The following SLCO3A1 variants were observed in gnomAD, a reference collection of about 807,000 sequenced individuals.
SLCO3A1 encodes the protein solute carrier organic anion transporter family member 3A1.
SLCO3A1 carries 27 observed loss-of-function variants against 63.1 expected under a neutral mutation model. The ratio of observed to expected loss-of-function variants is 0.43; its 90% CI spans 0.32 to 0.59. The LOEUF is 0.59. SLCO3A1 is among the 20% of genes least tolerant of loss of function. SLCO3A1 has a pLI of 0.09. For synonymous variants in SLCO3A1, 473 were observed against 409.9 expected, an observed-to-expected ratio of 1.15 and a Z score of -1.86; for missense variants, 773 against 945.8, an observed-to-expected ratio of 0.82 and a Z score of 2.40.
At chr15:91,857,578 T>C (rs1251889520) in intron 1 of SLCO3A1, among the ~76,000 whole-genome samples, 1 of 152,176 alleles carries the variant, frequency 6.6e-6, no homozygotes, top group Non-Finnish European at 1.5e-5. Context: ...GGATGTAACA[T>C]GTGCTTAAGT....
intron 7 of SLCO3A1, among the ~76,000 whole-genome samples, chr15:92,142,289 T>G (rs941590365): frequency 6.6e-6 from 1 of 152,220 alleles, no homozygotes. Context: ...ATCAAAACAC[T>G]TTAAAGTGCA....
At chr15:92,068,055 A>C (rs1023365509) in intron 2 of SLCO3A1, among the ~76,000 whole-genome samples, 2 of 152,046 alleles carry the variant, frequency 1.3e-5, no homozygotes, top group African/African-American at 4.8e-5. Context: ...TGATACCATT[A>C]CCCTGGGTAT....
intron 7 of SLCO3A1, among the ~76,000 whole-genome samples, chr15:92,134,980 C>T (rs2048038878): frequency 6.6e-6 from 1 of 152,086 alleles, no homozygotes. Context: ...ATTAGCAGGG[C>T]AGGTGGCTCA....
chr15:92,134,044 T>G (rs2048027335), intron 7 of SLCO3A1, among the ~76,000 whole-genome samples: 1 of 152,180 alleles, frequency 6.6e-6, no homozygotes, highest in Admixed American at 6.5e-5. Context: ...GGAAGATAGC[T>G]ATCATGGGAC....
At chr15:91,857,073 A>G (rs868262863) in intron 1 of SLCO3A1, among the ~76,000 whole-genome samples, 1 of 145,078 alleles carries the variant, frequency 6.9e-6, no homozygotes, top group East Asian at 2.2e-4. Flanking sequence ...TGTGTGTGAG[A>G]GAGAGAGAGA....
chr15:92,156,249 C>T (rs552497484), intron 9 of SLCO3A1, among the ~76,000 whole-genome samples: 2 of 152,270 alleles, frequency 1.3e-5, no homozygotes, highest in South Asian at 2.1e-4. Context: ...GAGTGAGATA[C>T]GGCGGTGGGA....
intron 2 of SLCO3A1, among the ~76,000 whole-genome samples, chr15:91,992,207 C>G (rs182720064): frequency 6.6e-6 from 1 of 152,310 alleles, no homozygotes; most frequent in Admixed American, 6.5e-5. Flanking sequence ...GCATTTAAAA[C>G]AAAATGAGCA....
intron 1 of SLCO3A1, among the ~76,000 whole-genome samples, chr15:91,873,339 T>A (rs926329111): frequency 2.0e-5 from 3 of 152,114 alleles, no homozygotes; most frequent in African/African-American, 7.2e-5. Context: ...TGTTGTGGGA[T>A]TATGTCATTT....
At chr15:92,153,369 C>T (rs1308343559) in intron 9 of SLCO3A1, 2 of 152,144 alleles carry the variant, frequency 1.3e-5, no homozygotes, top group African/African-American at 2.4e-5. Context: ...GATTTTATTG[C>T]CCCTTATGAG....
chr15:92,010,994 G>A (rs559373985), intron 2 of SLCO3A1, among the ~76,000 whole-genome samples: 80 of 152,280 alleles, frequency 5.3e-4, no homozygotes, highest in Middle Eastern at 3.4e-3. Flanking sequence ...CAGCCAGTGC[G>A]ATCCTGCTAA....
chr15:92,130,744 A>T (rs1215734529), intron 7 of SLCO3A1, among the ~76,000 whole-genome samples: 1 of 152,078 alleles, frequency 6.6e-6, no homozygotes, highest in Non-Finnish European at 1.5e-5. Context: ...AACATCCAAA[A>T]ATGAGTGAAA....
intron 2 of SLCO3A1, among the ~76,000 whole-genome samples, chr15:92,088,833 A>G (rs1480155820): frequency 2.0e-5 from 3 of 152,014 alleles, no homozygotes; most frequent in Non-Finnish European, 2.9e-5. Flanking sequence ...GATTGTGCCT[A>G]TGGGGACTCT....
intron 2 of SLCO3A1, among the ~76,000 whole-genome samples, chr15:92,052,822 A>AT (rs35961945): frequency 6.0e-5 from 9 of 151,100 alleles, no homozygotes; most frequent in South Asian, 2.1e-4. Context: ...ATACATTTTA[A>AT]TTTTTTTTTT....
In SLCO3A1 at chr15:91,912,857, C is replaced by T. The variant is rs532220877; in HGVS notation, c.181-3136C>T. 6.6e-6 allele frequency among the ~76,000 whole-genome samples: 1 copy of T among 152,320 alleles called. No individual in the cohort carries two copies. Among genetic ancestry groups the T allele is most frequent in the Non-Finnish European group, 1.5e-5 (1 of 68,014 alleles). On this transcript the variant is annotated intron_variant, in intron 1 of 9. Coordinates refer to ENST00000318445, the MANE Select transcript of SLCO3A1 (RefSeq NM_013272.4). The surrounding 1 kb of genome is among the most constrained non-coding windows in gnomAD (Gnocchi z 5.0). ...CCAGTCCCCTTTGGACCTCTCAAGA[C>T]TCACACAAAGGCCTGGGCGAGGCTC...
At chr15:91,925,492 T>TAA (rs1416344772) in intron 2 of SLCO3A1, among the ~76,000 whole-genome samples, 9 of 152,028 alleles carry the variant, frequency 5.9e-5, no homozygotes, top group Middle Eastern at 3.4e-3. Context: ...TTTTTTTTTT[T>TAA]TAACTAGGAA....
In SLCO3A1 at chr15:91,854,255, G is replaced by T. The variant is rs1896852922; in HGVS notation, c.180+167G>T. On this transcript the variant is annotated intron_variant, in intron 1 of 9. Transcript: ENST00000318445. This position sits in a 1 kb window ranked among gnomAD's most constrained non-coding sequence, Gnocchi z 6.4. ...AGAGGCGGCCGCCGGGGGAGCTGCC[G>T]GCCGGGGCTGCCAGCGAGCGGGTAG... is the stretch of plus-strand genomic sequence containing the variant. The T allele has an allele frequency of 1.8e-6, 2 of 1,134,382 alleles. No homozygotes were observed. Among genetic ancestry groups the T allele is most frequent in the Non-Finnish European group, 2.2e-6 (2 of 909,946 alleles). 70.3% of individuals were successfully genotyped at this position (1,134,382 alleles called of 1,614,324 possible).
chr15:92,164,373 T>G lies in SLCO3A1; in HGVS notation c.*1238T>G. 1.0e-6 allele frequency: 1 copy of G among 985,400 alleles called. No individual in the cohort carries two copies. The highest frequency in any genetic ancestry group is 1.2e-6 in the Non-Finnish European group (1 of 829,908). The allele number at this position is 985,400 out of a possible 1,614,324, so 61.0% of individuals were successfully genotyped here. On this transcript the variant is annotated 3_prime_UTR_variant, in exon 10 of 10. Coordinates refer to ENST00000318445, the MANE Select transcript of SLCO3A1 (RefSeq NM_013272.4). ...CAGCCTGCCTTTAAAAGAATCACATTTGAGACAACAGGGGATAATGTGATG... is the reference window on the plus strand; with the variant it reads ...CAGCCTGCCTTTAAAAGAATCACATGTGAGACAACAGGGGATAATGTGATG...
At chr15:92,140,563 A>C (rs1281658741) in intron 7 of SLCO3A1, among the ~76,000 whole-genome samples, 3 of 152,128 alleles carry the variant, frequency 2.0e-5, no homozygotes, top group Non-Finnish European at 4.4e-5. Flanking sequence ...GATCAGTCTA[A>C]TGTTGACAGT....
chr15:91,920,990 C>T (rs542823670), intron 2 of SLCO3A1, among the ~76,000 whole-genome samples: 1 of 152,262 alleles, frequency 6.6e-6, no homozygotes, highest in South Asian at 2.1e-4. Flanking sequence ...AGGACAAAAC[C>T]AGATGAATGG....
Sources: gnomAD v4.1 joint callset for allele counts (sites outside exome capture counted in the v4.1 genomes callset) on GRCh38, gnomAD v4.1.1 for gene constraint, Gnocchi (gnomAD v3.1) non-coding constraint, MANE v1.5 for transcripts, NCBI Gene and HGNC (gene_info 2026-07-23, HGNC 2026-07-21) for gene names.